SLIT1: variants seen among roughly 807,000 people sequenced by gnomAD.
SLIT1 encodes the protein slit homolog 1 protein.
A neutral mutation model predicts 186.1 loss-of-function variants in SLIT1; 66 were observed. The observed-to-expected ratio is 0.35, with a 90% CI of 0.29 to 0.44. The LOEUF (loss-of-function observed/expected upper bound fraction) is 0.44. Among genes scored for constraint, SLIT1 ranks in the 20% least tolerant of loss-of-function variants. The pLI is 1.00. For missense variants in SLIT1, 1,638 were observed against 2,037.4 expected (o/e 0.80, Z 3.77); for synonymous variants, 761 against 833.8 (o/e 0.91, Z 1.50).
At chr10:97,072,798 T>C (rs1849011874) in intron 4 of SLIT1, among the ~76,000 whole-genome samples, 1 of 152,226 alleles carries the variant, frequency 6.6e-6, no homozygotes. Flanking sequence ...GTTCAACTCC[T>C]GCTTCTGCTA....
intron 31 of SLIT1, among the ~76,000 whole-genome samples, chr10:97,009,169 G>A (rs1010665338): frequency 7.9e-5 from 12 of 152,160 alleles, no homozygotes; most frequent in South Asian, 6.2e-4. Flanking sequence ...GAGCCACCGC[G>A]CCCAGCCAGC....
At chr10:97,104,450 G>C (rs1347358844) in intron 4 of SLIT1, among the ~76,000 whole-genome samples, 1 of 152,082 alleles carries the variant, frequency 6.6e-6, no homozygotes, top group Admixed American at 6.5e-5. Flanking sequence ...GTAGGAACAT[G>C]CCTTGCATGT....
intron 2 of SLIT1, 98 bp downstream of exon 2, chr10:97,164,721 C>T: frequency 1.1e-6 from 1 of 895,370 alleles, no homozygotes; most frequent in East Asian, 2.4e-5. Context: ...GTAGAGGGGC[C>T]CAGACAGCCC....
At chr10:97,168,475 G>T (rs775126304) in intron 1 of SLIT1, among the ~76,000 whole-genome samples, 1 of 152,170 alleles carries the variant, frequency 6.6e-6, no homozygotes, top group Non-Finnish European at 1.5e-5. Flanking sequence ...AAAGCATTTT[G>T]CAAGGTTCTG....
intron 4 of SLIT1, among the ~76,000 whole-genome samples, chr10:97,110,428 A>G (rs1295700851): frequency 6.6e-6 from 1 of 152,182 alleles, no homozygotes; most frequent in Admixed American, 6.5e-5. Flanking sequence ...CCAAATACAC[A>G]CCAAAAGGAA....
chr10:97,143,550 A>T (rs529422806), intron 4 of SLIT1, among the ~76,000 whole-genome samples: 21 of 152,270 alleles, frequency 1.4e-4, no homozygotes, highest in Non-Finnish European at 2.8e-4. Context: ...GAATGTGAAC[A>T]TATTTAACAC....
In SLIT1 at chr10:97,022,907, C is replaced by T. The variant is rs1475394101; in HGVS notation, c.2583-1494G>A. The stretch of plus-strand genomic sequence containing the variant: ...TCACTAAACAGCACGTCTTGGGAAT[C>T]TTCCTGGTCAGCATATAAGCATCTA... On this transcript the variant is annotated intron_variant, in intron 25 of 36. Transcript: ENST00000266058. The surrounding 1 kb of genome is among the most constrained non-coding windows in gnomAD (Gnocchi z 4.2). Among the ~76,000 whole-genome samples the T allele has an allele frequency of 6.6e-6, 1 of 152,222 alleles. No individual in the cohort carries two copies.
At chr10:97,126,039 A>G (rs1202023918) in intron 4 of SLIT1, among the ~76,000 whole-genome samples, 1 of 152,184 alleles carries the variant, frequency 6.6e-6, no homozygotes, top group Admixed American at 6.5e-5. Context: ...AAGCCTCCAC[A>G]TGAAGCTATT....
intron 4 of SLIT1, among the ~76,000 whole-genome samples, chr10:97,087,347 T>C (rs772464696): frequency 2.3e-4 from 35 of 152,166 alleles, no homozygotes; most frequent in Non-Finnish European, 4.6e-4. Context: ...CCTCTCACCA[T>C]CCTCCGGCTT....
intron 4 of SLIT1, among the ~76,000 whole-genome samples, chr10:97,130,341 C>A (rs1372813821): frequency 6.6e-6 from 1 of 152,156 alleles, no homozygotes; most frequent in Non-Finnish European, 1.5e-5. Context: ...TCACAACAGC[C>A]AAAAGGTGGA....
chr10:97,108,722 T>C (rs1231472534), intron 4 of SLIT1, among the ~76,000 whole-genome samples: 1 of 151,922 alleles, frequency 6.6e-6, no homozygotes, highest in African/African-American at 2.4e-5. Context: ...ACCCTGTCTT[T>C]ACTAAAAATA....
intron 21 of SLIT1, among the ~76,000 whole-genome samples, chr10:97,039,088 T>A (rs192073398): frequency 2.7e-4 from 41 of 152,278 alleles, no homozygotes; most frequent in African/African-American, 9.9e-4. Context: ...CAGTGGTTGA[T>A]GTGCTTGTGA....
intron 21 of SLIT1, among the ~76,000 whole-genome samples, chr10:97,038,454 A>C (rs927676843): frequency 2.0e-5 from 3 of 152,070 alleles, no homozygotes; most frequent in Non-Finnish European, 4.4e-5. Context: ...ACTCACTGCT[A>C]TCCAAGTCAC....
intron 4 of SLIT1, among the ~76,000 whole-genome samples, chr10:97,095,172 A>G (rs550856116): frequency 6.6e-6 from 1 of 152,342 alleles, no homozygotes; most frequent in East Asian, 1.9e-4. Context: ...AGTCCCAGCT[A>G]CTAGGGAGAC....
intron 4 of SLIT1, among the ~76,000 whole-genome samples, chr10:97,123,084 T>C (rs1342677720): frequency 6.6e-6 from 1 of 152,236 alleles, no homozygotes; most frequent in African/African-American, 2.4e-5. Flanking sequence ...AAAACAGAGA[T>C]GCTATTACCA....
intron 4 of SLIT1, among the ~76,000 whole-genome samples, chr10:97,092,043 A>G (rs1821769178): frequency 6.6e-6 from 1 of 152,238 alleles, no homozygotes; most frequent in Non-Finnish European, 1.5e-5. Context: ...TTTTGCTCGA[A>G]CCAGGCCACC....
At chr10:97,057,109 A>T in intron 12 of SLIT1, 101 bp downstream of exon 12, 2 of 839,060 alleles carry the variant, frequency 2.4e-6, no homozygotes, top group Non-Finnish European at 3.9e-6. Flanking sequence ...GTCTCAATTG[A>T]GTCCCATACC....
At chr10:97,182,844 G>A (rs1850357817) in intron 1 of SLIT1, among the ~76,000 whole-genome samples, 3 of 152,164 alleles carry the variant, frequency 2.0e-5, no homozygotes, top group Admixed American at 1.3e-4. Flanking sequence ...CACACCTGCT[G>A]GCTTTTTGCT....
chr10:97,031,752 G>C, intron 23 of SLIT1, 75 bp from the exon 24 acceptor site: 1 of 1,201,234 alleles, frequency 8.3e-7, no homozygotes, highest in Non-Finnish European at 1.2e-6. Context: ...CGCCCAGGAC[G>C]TGGAGGTCCC....
Sources: allele counts gnomAD v4.1 joint callset (sites outside exome capture counted in the v4.1 genomes callset), GRCh38; gene constraint gnomAD v4.1.1; non-coding constraint Gnocchi (gnomAD v3.1); transcripts MANE v1.5; gene names NCBI Gene and HGNC (gene_info 2026-07-23, HGNC 2026-07-21).